Variants in KCTD21 observed in about 807,000 individuals in gnomAD.
The protein encoded by KCTD21 is BTB/POZ domain-containing protein KCTD21.
Under a neutral mutation model 13.2 loss-of-function variants are expected in KCTD21, and 9 were observed. That is an observed-to-expected ratio of 0.68 (90% CI 0.41 to 1.19). KCTD21 has a LOEUF of 1.19. Ranked by LOEUF, KCTD21 falls within the 50% of genes most tolerant of loss-of-function variation. KCTD21 has a pLI of 0.01. For synonymous variants in KCTD21, 142 were observed against 137.4 expected (o/e 1.03, Z -0.23); for missense variants, 303 against 336.5 (o/e 0.90, Z 0.78).
In KCTD21 at chr11:78,173,977, T is replaced by C. The variant is rs760039702; in HGVS notation, c.578A>G (p.Glu193Gly). Residue 193 changes from glutamate to glycine, a missense_variant, in exon 2 of 2, where the codon GAG (glutamate) becomes GGG (glycine). By Grantham distance (98) the Glu-to-Gly change is moderately conservative. Coordinates refer to ENST00000340067, the MANE Select transcript of KCTD21 (RefSeq NM_001029859.3). ...GGTGTACTCCTCCTCTGGCAGGCCCTCCACATTGGCCACCCAGTCCAGAGT... is the reference window on the plus strand; with the variant it reads ...GGTGTACTCCTCCTCTGGCAGGCCCCCCACATTGGCCACCCAGTCCAGAGT... ...HLTLDWVANV[E>G]GLPEEEYTKQ... 1.2e-6 allele frequency: 2 copies of C among 1,613,976 alleles called. No homozygotes were observed. The highest frequency in any genetic ancestry group is 1.7e-6 in the Non-Finnish European group (2 of 1,180,010).
chr11:78,180,723 A>T (rs1199636174), intron 1 of KCTD21, among the ~76,000 whole-genome samples: 1 of 152,256 alleles, frequency 6.6e-6, no homozygotes, highest in Non-Finnish European at 1.5e-5. Context: ...TGGAAACCTC[A>T]TACACTGCTG....
chr11:78,186,562 C>T (rs1183854069), intron 1 of KCTD21: 2 of 360,288 alleles, frequency 5.6e-6, no homozygotes, highest in Non-Finnish European at 7.4e-6. Context: ...CAACAACAAA[C>T]ACTACAACGG....
At position 78,174,375 on chromosome 11, in the gene KCTD21, G is replaced by C; in HGVS notation, c.180C>G (p.Leu60=). Reference sequence around the variant, plus strand: ...CAAGGTGGGAGGTCCGCAGGAAGTTGAGGATATAGCGGAACACTTTGCCGT... The same window carrying C: ...CAAGGTGGGAGGTCCGCAGGAAGTTCAGGATATAGCGGAACACTTTGCCGT... The part of the protein sequence containing the change: ...DRDGKVFRYI[L]NFLRTSHLDL... Residue 60 remains leucine (L), a synonymous_variant, in exon 2 of 2, where the codon CTC becomes CTG. Transcript: ENST00000340067. The C allele has an allele frequency of 6.2e-7, 1 of 1,614,140 alleles. No homozygotes were observed. Among genetic ancestry groups the C allele is most frequent in the Non-Finnish European group, 8.5e-7 (1 of 1,180,040 alleles).
chr11:78,186,674 T>C lies in KCTD21; in HGVS notation c.-30+1899A>G, dbSNP rs546523770. 8 of 984,440 alleles carry C rather than the reference T, an allele frequency of 8.1e-6. No individual in the cohort carries two copies. The African/African-American group carries it at 1.4e-4, about 17-fold the overall frequency. 61.0% of individuals were successfully genotyped at this position (984,440 alleles called of 1,614,324 possible). On this transcript the variant is annotated intron_variant, in intron 1 of 1. Transcript: ENST00000340067. The stretch of plus-strand genomic sequence containing the variant: ...CACAGATTAAGTAGATACTATTATA[T>C]ACCTACTTTACAGACCAACCATACT...
chr11:78,187,420 G>A (rs1411698818), intron 1 of KCTD21: 2 of 985,286 alleles, frequency 2.0e-6, no homozygotes, highest in Non-Finnish European at 2.4e-6. Context: ...ACCCCAGAAT[G>A]AGCTGCGCAA....
intron 1 of KCTD21, among the ~76,000 whole-genome samples, chr11:78,185,401 C>A (rs61582146): frequency 0.044 from 6,666 of 152,128 alleles, 423 homozygotes; most frequent in African/African-American, 0.14. Context: ...CCCAATAAGT[C>A]GCCAGATTTA....
At chr11:78,179,579 C>T (rs373219132) in intron 1 of KCTD21, among the ~76,000 whole-genome samples, 2 of 152,282 alleles carry the variant, frequency 1.3e-5, no homozygotes, top group East Asian at 1.9e-4. Context: ...TGCACCCCTA[C>T]ATCCTCACTC....
chr11:78,181,305 C>T (rs1350173336), intron 1 of KCTD21, among the ~76,000 whole-genome samples: 1 of 152,160 alleles, frequency 6.6e-6, no homozygotes, highest in African/African-American at 2.4e-5. Flanking sequence ...TACATCCATA[C>T]AATAGAATAT....
chr11:78,173,860 A>T lies in KCTD21; in HGVS notation c.695T>A (p.Leu232Gln), dbSNP rs370351340. Residue 232 changes from leucine to glutamine, a missense_variant, in exon 2 of 2, where the codon CTG (leucine) becomes CAG (glutamine). Leu to Gln is a moderately radical substitution (Grantham distance 113). Coordinates refer to ENST00000340067, the MANE Select transcript of KCTD21 (RefSeq NM_001029859.3). Reference sequence around the variant, plus strand: ...AGAATCGATGCAGAAGCCATCGCTCAGAGCGATTTTCAGTACCTCTTCCAC... The same window carrying T: ...AGAATCGATGCAGAAGCCATCGCTCTGAGCGATTTTCAGTACCTCTTCCAC... The part of the protein sequence containing the change: ...VFVEEVLKIA[L>Q]SDGFCIDSSH... 5.6e-6 allele frequency: 9 copies of T among 1,614,062 alleles called. No individual in the cohort carries two copies. The African/African-American group carries it at 6.7e-5, about 12-fold the overall frequency.
chr11:78,181,537 A>G (rs968783970), intron 1 of KCTD21, among the ~76,000 whole-genome samples: 1 of 152,222 alleles, frequency 6.6e-6, no homozygotes, highest in African/African-American at 2.4e-5. Context: ...AACACAAGGC[A>G]TATTTTGGAG....
At chr11:78,187,549 G>A in intron 1 of KCTD21, 5 of 985,348 alleles carry the variant, frequency 5.1e-6, no homozygotes, top group Non-Finnish European at 6.0e-6. Flanking sequence ...GCCCCTTCCA[G>A]AACTTTCCTT....
Sources: allele counts gnomAD v4.1 joint callset (sites outside exome capture counted in the v4.1 genomes callset), GRCh38; gene constraint gnomAD v4.1.1; transcripts MANE v1.5; gene names NCBI Gene and HGNC (gene_info 2026-07-23, HGNC 2026-07-21).